The following HELLS variants were observed in gnomAD, a reference collection of about 807,000 sequenced individuals.
HELLS encodes the protein helicase, lymphoid specific, also known as lymphoid-specific helicase.
HELLS carries 32 observed loss-of-function variants against 120.0 expected under a neutral mutation model. The ratio of observed to expected loss-of-function variants is 0.27; its 90% CI spans 0.20 to 0.36. The LOEUF (loss-of-function observed/expected upper bound fraction) is 0.36. HELLS is among the 10% of genes least tolerant of loss of function. The pLI is 1.00. For synonymous variants in HELLS, 341 were observed against 323.4 expected, an observed-to-expected ratio of 1.05 and a Z score of -0.58; for missense variants, 650 against 993.4, an observed-to-expected ratio of 0.65 and a Z score of 4.65.
chr10:94,573,376 A>G (rs1844275739), intron 7 of HELLS, among the ~76,000 whole-genome samples: 1 of 152,192 alleles, frequency 6.6e-6, no homozygotes, highest in African/African-American at 2.4e-5. Flanking sequence ...AGAAGTTTGG[A>G]AGAGAGATAC....
chr10:94,577,175 C>G (rs1389106931), intron 10 of HELLS: 3 of 358,260 alleles, frequency 8.4e-6, no homozygotes, highest in Non-Finnish European at 1.6e-5. Context: ...TTTAGAGTAT[C>G]TTATTGGACT....
At chr10:94,588,970 A>T (rs1476450583) in intron 13 of HELLS, among the ~76,000 whole-genome samples, 4 of 152,186 alleles carry the variant, frequency 2.6e-5, no homozygotes, top group Non-Finnish European at 5.9e-5. Flanking sequence ...AACATGGAGA[A>T]AACCCTGTCT....
At position 94,560,323 on chromosome 10, in the gene HELLS, T is replaced by C. The variant is rs547268481; in HGVS notation, c.333+2128T>C. The stretch of plus-strand genomic sequence containing the variant: ...GAGATTAAGTCCAGTTATTTGATTC[T>C]TAGACTAGTTAATGGTGATGTTAAA... On this transcript the variant is annotated intron_variant, in intron 4 of 21. Coordinates refer to ENST00000348459, the MANE Select transcript of HELLS (RefSeq NM_018063.5). Among the ~76,000 whole-genome samples the C allele has an allele frequency of 2.0e-5, 3 of 152,330 alleles. No individual in the cohort carries two copies. The South Asian group carries it at 6.2e-4, about 32-fold the overall frequency.
At chr10:94,558,312 A>G in intron 4 of HELLS, 117 bp downstream of exon 4, 1 of 1,257,572 alleles carries the variant, frequency 8.0e-7, no homozygotes, top group East Asian at 2.9e-5. Flanking sequence ...TGATAAACCT[A>G]ACTTTGTTAC....
chr10:94,588,734 T>A (rs1258500823), intron 13 of HELLS, among the ~76,000 whole-genome samples: 1 of 152,226 alleles, frequency 6.6e-6, no homozygotes, highest in Non-Finnish European at 1.5e-5. Context: ...GGTGAATTTC[T>A]AACTGGGGTA....
chr10:94,569,921 A>C (rs1171139983), intron 6 of HELLS: 1 of 152,078 alleles, frequency 6.6e-6, no homozygotes, highest in Non-Finnish European at 1.5e-5. Flanking sequence ...AATTCCCCAC[A>C]TTCTAGACTT....
rs745929313 is a variant in HELLS, at chr10:94,590,689, G to A, written c.1680G>A (p.Leu560=). Residue 560 remains leucine (L), a synonymous_variant, in exon 15 of 22, where the codon CTG becomes CTA. Coordinates refer to ENST00000348459, the MANE Select transcript of HELLS (RefSeq NM_018063.5). The part of the protein sequence containing the change: ...IPVESEVNLK[L]QNIMMLLRKC... ...TAGAATCTGAAGTTAATCTGAAGCT[G>A]CAGAATATAATGATGCTACTTCGTA... The A allele has an allele frequency of 2.5e-6, 4 of 1,610,326 alleles. No individual in the cohort carries two copies. The highest frequency in any genetic ancestry group is 2.5e-6 in the Non-Finnish European group (3 of 1,177,330).
At chr10:94,554,642 G>GTGTTTTTTT (rs1564576841) in intron 3 of HELLS, among the ~76,000 whole-genome samples, 2 of 135,918 alleles carry the variant, frequency 1.5e-5, no homozygotes, top group African/African-American at 2.7e-5. Flanking sequence ...CAAAGTAATA[G>GTGTTTTTTT]TGTTTTTTTT....
chr10:94,563,005 A>G, intron 6 of HELLS, 129 bp downstream of exon 6: 2 of 634,700 alleles, frequency 3.2e-6, no homozygotes, highest in Non-Finnish European at 5.4e-6. Context: ...AATATTATAT[A>G]TCATTTATAG....
exon 10 of HELLS, chr10:94,611,096 T>C (rs1047625): frequency 6.6e-6 from 1 of 152,106 alleles, no homozygotes; most frequent in Non-Finnish European, 1.5e-5. Flanking sequence ...CTCTGAGTAA[T>C]TAGAAGTGTT....
chr10:94,589,007 C>T (rs995204807), intron 13 of HELLS, among the ~76,000 whole-genome samples: 1 of 152,144 alleles, frequency 6.6e-6, no homozygotes, highest in African/African-American at 2.4e-5. Context: ...ATTAGCTAGG[C>T]GTGGTGGCGC....
chr10:94,556,651 G>C (rs1204524763), intron 3 of HELLS, among the ~76,000 whole-genome samples: 3 of 151,996 alleles, frequency 2.0e-5, no homozygotes, highest in Non-Finnish European at 2.9e-5. Flanking sequence ...CAATTGATCT[G>C]TTTTCTGTTA....
At chr10:94,550,794 C>T (rs2134274805) in intron 2 of HELLS, among the ~76,000 whole-genome samples, 1 of 152,108 alleles carries the variant, frequency 6.6e-6, no homozygotes, top group East Asian at 2.0e-4. Context: ...GAGGGTGAGG[C>T]AGGAGGATTA....
intron 19 of HELLS, 29 bp downstream of exon 19, chr10:94,594,883 G>T: frequency 6.6e-7 from 1 of 1,505,196 alleles, no homozygotes; most frequent in Non-Finnish European, 9.2e-7. Flanking sequence ...GTGCTTTATT[G>T]TTTAAATTGT....
chr10:94,601,882 T>TG lies in HELLS; in HGVS notation c.*260_*261insG. Reference sequence around the variant, plus strand: ...TACAGGCTGATGTGTACTTAACCACTTCCAGATTTATACAGTCTTCCTGTG... The same window carrying TG: ...TACAGGCTGATGTGTACTTAACCACTGTCCAGATTTATACAGTCTTCCTGTG... On this transcript the variant is annotated 3_prime_UTR_variant, in exon 22 of 22. Transcript: ENST00000348459. 1 of 230,690 alleles carries TG rather than the reference T, an allele frequency of 4.3e-6. No homozygotes were observed. The highest frequency in any genetic ancestry group is 8.4e-6 in the Non-Finnish European group (1 of 118,950). 14.3% of individuals were successfully genotyped at this position (230,690 alleles called of 1,614,324 possible). A position where few individuals can be genotyped will look rare whatever the true frequency, so the allele number is the denominator to read the frequency against.
chr10:94,593,374 C>G, intron 17 of HELLS, 125 bp from the exon 18 acceptor site: 1 of 612,776 alleles, frequency 1.6e-6, no homozygotes. Context: ...TTTTATAGAT[C>G]TGAATGATTT....
intron 21 of HELLS, among the ~76,000 whole-genome samples, chr10:94,598,454 C>T (rs1212972477): frequency 6.6e-6 from 1 of 152,134 alleles, no homozygotes; most frequent in Admixed American, 6.5e-5. Flanking sequence ...GCCATTGTGC[C>T]TCAGTTTTTG....
intron 7 of HELLS, among the ~76,000 whole-genome samples, chr10:94,573,594 G>A (rs1423832437): frequency 1.3e-5 from 2 of 151,850 alleles, no homozygotes; most frequent in Non-Finnish European, 2.9e-5. Flanking sequence ...CGAGTAGCTG[G>A]GATACAGGCA....
chr10:94,589,915 C>T (rs1845390634), intron 13 of HELLS, among the ~76,000 whole-genome samples: 4 of 151,996 alleles, frequency 2.6e-5, no homozygotes, highest in Admixed American at 2.0e-4. Flanking sequence ...TCTCGATCTT[C>T]TGACCTTGTG....
Sources: gnomAD v4.1 joint callset for allele counts (sites outside exome capture counted in the v4.1 genomes callset) on GRCh38, gnomAD v4.1.1 for gene constraint, MANE v1.5 for transcripts, NCBI Gene and HGNC (gene_info 2026-07-23, HGNC 2026-07-21) for gene names.